Variants in SRP19 observed in about 807,000 individuals in gnomAD.
The protein encoded by SRP19 is signal recognition particle 19 kDa protein.
SRP19 carries 11 observed loss-of-function variants against 22.4 expected under a neutral mutation model. That is an observed-to-expected ratio of 0.49 (90% CI 0.31 to 0.81). SRP19 has a LOEUF of 0.81. Ranked by LOEUF, SRP19 falls within the 40% of genes least tolerant of loss-of-function variation. The pLI is 0.05. For missense variants in SRP19, 168 were observed against 175.9 expected (o/e 0.96, Z 0.25); for synonymous variants, 61 against 57.6 (o/e 1.06, Z -0.27).
At position 112,878,848 on chromosome 5, in the gene SRP19, T is replaced by C. The variant is rs1248985029; in HGVS notation, c.302-12755T>C. ...GTAGCTTTCTTCGCTGTTTGTTTGTTAGGAGGGAAAGAAAAATATATCAAA... is the reference window on the plus strand; with the variant it reads ...GTAGCTTTCTTCGCTGTTTGTTTGTCAGGAGGGAAAGAAAAATATATCAAA... On this transcript the variant is annotated intron_variant, in intron 4 of 4. Transcript: ENST00000391338. The C allele has an allele frequency of 3.1e-6, 5 of 1,613,982 alleles. 1 individual carries two copies. Among genetic ancestry groups the C allele is most frequent in the Middle Eastern group, 1.6e-4 (1 of 6,062 alleles).
At chr5:112,866,290 AT>A (rs1767603455) in intron 4 of SRP19, among the ~76,000 whole-genome samples, 1 of 151,396 alleles carries the variant, frequency 6.6e-6, no homozygotes, top group Non-Finnish European at 1.5e-5. Context: ...CTAATTTTGT[AT>A]TTTTAGTAGA....
rs551421569 is a variant in SRP19, at chr5:112,884,788, C to G, written c.302-6815C>G. Reference sequence around the variant, plus strand: ...ATCCCTCCAGTCCTTGGCCCCCCCCCATCTTTCTACTTGCTTTATTTTTTC... The same window carrying G: ...ATCCCTCCAGTCCTTGGCCCCCCCCGATCTTTCTACTTGCTTTATTTTTTC... On this transcript the variant is annotated intron_variant, in intron 4 of 4. Transcript: ENST00000391338. Among the ~76,000 whole-genome samples, 45 of 148,546 alleles carry G rather than the reference C, an allele frequency of 3.0e-4. No homozygotes were observed. The East Asian group carries it at 6.1e-3, about 20-fold the overall frequency.
Position 112,864,650 on chromosome 5 carries a change from T to A in SRP19, c.219T>A (p.Asn73Lys). Reference protein sequence around the residue: ...EKNKMYSREWNRDVQYRGRVR... With the variant: ...EKNKMYSREWKRDVQYRGRVR... ...ATAAAATGTACTCTAGAGAATGGAA[T>A]CGTGATGTCCAATACAGAGGCAGAG... is the stretch of plus-strand genomic sequence containing the variant. The change falls in exon 4 of 5, where the codon AAT becomes AAA. Residue 73 changes from asparagine (N) to lysine (K), a missense_variant. Coordinates refer to ENST00000505459, the MANE Select transcript of SRP19 (RefSeq NM_003135.3). 1 of 1,614,144 alleles carries A rather than the reference T, an allele frequency of 6.2e-7. No homozygotes were observed. Among genetic ancestry groups the A allele is most frequent in the South Asian group, 1.1e-5 (1 of 91,082 alleles).
At chr5:112,866,002 G>A (rs968340839) in intron 4 of SRP19, among the ~76,000 whole-genome samples, 1 of 152,228 alleles carries the variant, frequency 6.6e-6, no homozygotes, top group South Asian at 2.1e-4. Context: ...GATTACAGGC[G>A]TTTGCCACCA....
intron 4 of SRP19, among the ~76,000 whole-genome samples, chr5:112,882,842 CCT>C (rs1397560257): frequency 6.6e-5 from 10 of 152,220 alleles, no homozygotes; most frequent in Non-Finnish European, 1.5e-4. Context: ...CCTTCCCCAT[CCT>C]CTCTCAATTG....
chr5:112,872,389 C>G (rs1767779288), downstream of SRP19, among the ~76,000 whole-genome samples: 2 of 135,804 alleles, frequency 1.5e-5, no homozygotes, highest in African/African-American at 5.4e-5. Context: ...AGTGCAGTGG[C>G]ACAATCTCAG....
chr5:112,887,902 T>C (rs926867756), intron 4 of SRP19, among the ~76,000 whole-genome samples: 11 of 152,298 alleles, frequency 7.2e-5, no homozygotes, highest in African/African-American at 2.4e-4. Flanking sequence ...ACTCGTCACT[T>C]CAAGTCATCC....
At chr5:112,866,080 G>A (rs550380464) in intron 4 of SRP19, among the ~76,000 whole-genome samples, 2 of 151,342 alleles carry the variant, frequency 1.3e-5, no homozygotes, top group Non-Finnish European at 2.9e-5. Context: ...GAGGTTGAGT[G>A]CAGTGGCACG....
chr5:112,894,114 GGTTTTTTTT>G (rs1392577887), downstream of SRP19: 1 of 132,988 alleles, frequency 7.5e-6, no homozygotes, highest in African/African-American at 3.5e-5. Flanking sequence ...TTGTTTTTTT[GGTTTTTTTT>G]GTTTTTTTTT....
intron 4 of SRP19, among the ~76,000 whole-genome samples, chr5:112,876,209 G>T (rs1767891644): frequency 6.6e-6 from 1 of 151,974 alleles, no homozygotes; most frequent in Non-Finnish European, 1.5e-5. Flanking sequence ...TTTTCTTTAG[G>T]ACAAGTCTTT....
In SRP19 at chr5:112,891,480, A is replaced by G. The variant is rs1768445695; in HGVS notation, c.302-123A>G. 4.1e-6 allele frequency: 4 copies of G among 974,668 alleles called. No individual in the cohort carries two copies. In the East Asian group the frequency reaches 1.2e-4, roughly 29 times the overall value. The allele number at this position is 974,668 out of a possible 1,614,324, so 60.4% of individuals were successfully genotyped here. On this transcript the variant is annotated intron_variant, in intron 4 of 4. Transcript: ENST00000391338. Reference sequence around the variant, plus strand: ...AACTGCAATATAAAGGAGAAACAAAATGAAAGTAATTTGTAATATATATAA... The same window carrying G: ...AACTGCAATATAAAGGAGAAACAAAGTGAAAGTAATTTGTAATATATATAA...
At chr5:112,878,809 C>A (rs757401821) in intron 4 of SRP19, 3 of 1,614,080 alleles carry the variant, frequency 1.9e-6, no homozygotes, top group Non-Finnish European at 2.5e-6. Context: ...TTTTCTTCAC[C>A]CAGTAAATTC....
At chr5:112,885,203 T>C in intron 4 of SRP19, 1 of 171,458 alleles carries the variant, frequency 5.8e-6, no homozygotes, top group South Asian at 1.1e-4. Context: ...AGATGGTGAG[T>C]GCTGTGGGGG....
At chr5:112,879,330 G>GCA (rs1767996124) in intron 4 of SRP19, among the ~76,000 whole-genome samples, 1 of 151,046 alleles carries the variant, frequency 6.6e-6, no homozygotes, top group Admixed American at 6.6e-5. Context: ...GTGTTTGGGG[G>GCA]GGGGGGCTGG....
downstream of SRP19, chr5:112,897,104 A>C (rs1471461318): frequency 6.6e-6 from 1 of 152,168 alleles, no homozygotes; most frequent in African/African-American, 2.4e-5. Context: ...ACTGAATAAC[A>C]TGAGAAAATA....
intron 4 of SRP19, among the ~76,000 whole-genome samples, chr5:112,875,509 G>T (rs916601179): frequency 1.3e-5 from 2 of 151,876 alleles, no homozygotes; most frequent in African/African-American, 4.8e-5. Flanking sequence ...GGGACTACAG[G>T]TACGTTCCAC....
Position 112,868,001 on chromosome 5 carries a change from A to G in SRP19, c.*464A>G. 1.0e-6 allele frequency: 1 copy of G among 986,440 alleles called. No individual in the cohort carries two copies. Among genetic ancestry groups the G allele is most frequent in the Non-Finnish European group, 1.2e-6 (1 of 830,566 alleles). The allele number at this position is 986,440 out of a possible 1,614,324, so 61.1% of individuals were successfully genotyped here. On this transcript the variant is annotated 3_prime_UTR_variant, in exon 5 of 5. Transcript: ENST00000505459. ...AAAGTTTCCATAGTGTGAGGCTAAA[A>G]CTAGAAGAAACTGTGGTAGGTCCTT...
chr5:112,882,991 C>T (rs1233826592), intron 4 of SRP19, among the ~76,000 whole-genome samples: 4 of 152,198 alleles, frequency 2.6e-5, no homozygotes, highest in Non-Finnish European at 5.9e-5. Context: ...TTCGACCAAT[C>T]CCTCTACTGT....
chr5:112,871,071 C>G (rs558874010), downstream of SRP19, among the ~76,000 whole-genome samples: 20 of 152,168 alleles, frequency 1.3e-4, no homozygotes, highest in Non-Finnish European at 2.9e-4. Context: ...CCAGGCTGGT[C>G]TTGAACTCCT....
Sources: gnomAD v4.1 joint callset for allele counts (sites outside exome capture counted in the v4.1 genomes callset) on GRCh38, gnomAD v4.1.1 for gene constraint, MANE v1.5 for transcripts, NCBI Gene and HGNC (gene_info 2026-07-23, HGNC 2026-07-21) for gene names.